Variants in PTPRD observed in about 807,000 individuals in gnomAD.
PTPRD encodes receptor-type tyrosine-protein phosphatase delta.
A neutral mutation model predicts 214.5 loss-of-function variants in PTPRD; 34 were observed. The ratio of observed to expected loss-of-function variants is 0.16; its 90% CI spans 0.12 to 0.21. PTPRD has a LOEUF of 0.21. Ranked by LOEUF, PTPRD falls within the 10% of genes least tolerant of loss-of-function variation. PTPRD has a pLI of 1.00. For synonymous variants in PTPRD, 1,128 were observed against 845.7 expected (o/e 1.33, Z -5.79); for missense variants, 2,545 against 2,398.7 (o/e 1.06, Z -1.27).
At chr9:9,099,261 G>A (rs758687485) in intron 10 of PTPRD, among the ~76,000 whole-genome samples, 2 of 152,144 alleles carry the variant, frequency 1.3e-5, no homozygotes, top group Non-Finnish European at 2.9e-5. Context: ...TAGTTCTTCA[G>A]TTGGGTGCTG....
At chr9:9,287,581 A>C (rs1483457774) in intron 9 of PTPRD, among the ~76,000 whole-genome samples, 1 of 151,886 alleles carries the variant, frequency 6.6e-6, no homozygotes, top group African/African-American at 2.4e-5. Context: ...TTCTCATTAA[A>C]TCTGTGAGTC....
intron 11 of PTPRD, among the ~76,000 whole-genome samples, chr9:8,818,329 C>T (rs1185042857): frequency 5.3e-5 from 8 of 151,948 alleles, no homozygotes; most frequent in African/African-American, 1.5e-4. Context: ...ACAGTTTTAG[C>T]GGATAGGCAG....
intron 3 of PTPRD, among the ~76,000 whole-genome samples, chr9:10,246,273 C>A (rs1288847606): frequency 6.6e-6 from 1 of 152,068 alleles, no homozygotes; most frequent in African/African-American, 2.4e-5. Context: ...GATGGAGTTT[C>A]GCTCTTGTTG....
intron 4 of PTPRD, among the ~76,000 whole-genome samples, chr9:9,944,578 G>A (rs1165983556): frequency 6.6e-6 from 1 of 151,826 alleles, no homozygotes; most frequent in Admixed American, 6.6e-5. Flanking sequence ...AGACCTGAAG[G>A]AAAAAAGGGA....
chr9:8,369,832 T>C (rs986696170), intron 39 of PTPRD, among the ~76,000 whole-genome samples: 2 of 152,094 alleles, frequency 1.3e-5, no homozygotes, highest in Admixed American at 6.6e-5. Context: ...TCTAGTATCA[T>C]GGGTCAAGGT....
At chr9:8,497,209 C>T (rs1468614434) in intron 26 of PTPRD, 33 bp downstream of exon 26, 7 of 1,558,198 alleles carry the variant, frequency 4.5e-6, no homozygotes, top group Non-Finnish European at 6.1e-6. Context: ...CATATATAGT[C>T]TGCTTTTGAC....
intron 2 of PTPRD, among the ~76,000 whole-genome samples, chr9:10,394,792 C>CT (rs398113230): frequency 9.5e-3 from 30 of 3,174 alleles, no homozygotes; most frequent in East Asian, 0.014. Flanking sequence ...ATAGAATAAA[C>CT]GTCAATATAA....
intron 11 of PTPRD, among the ~76,000 whole-genome samples, chr9:9,008,017 T>C (rs2590495): frequency 0.87 from 59,969 of 69,168 alleles, 28,425 homozygotes; most frequent in East Asian, 0.99. Context: ...TGGTGCGCTG[T>C]ACCCATTAAC....
At chr9:9,892,537 G>A (rs1055135724) in intron 5 of PTPRD, among the ~76,000 whole-genome samples, 3 of 152,088 alleles carry the variant, frequency 2.0e-5, no homozygotes, top group African/African-American at 7.2e-5. Flanking sequence ...CACTTGTAAT[G>A]ATGTTGGCTT....
intron 9 of PTPRD, among the ~76,000 whole-genome samples, chr9:9,215,375 C>T (rs2099951500): frequency 6.6e-6 from 1 of 152,020 alleles, no homozygotes; most frequent in Non-Finnish European, 1.5e-5. Flanking sequence ...AAATTTCTTC[C>T]CTGAGTTCTG....
At chr9:10,072,882 G>A (rs1940545640) in intron 3 of PTPRD, among the ~76,000 whole-genome samples, 2 of 152,042 alleles carry the variant, frequency 1.3e-5, no homozygotes, top group African/African-American at 4.8e-5. Flanking sequence ...CACATAAAAT[G>A]TTTATAGCAG....
At chr9:10,056,427 T>G (rs546976397) in intron 3 of PTPRD, among the ~76,000 whole-genome samples, 1 of 152,072 alleles carries the variant, frequency 6.6e-6, no homozygotes, top group South Asian at 2.1e-4. Context: ...ATAACCTCTT[T>G]TATTAGCTGC....
chr9:9,134,588 T>C (rs1265017695), intron 10 of PTPRD, among the ~76,000 whole-genome samples: 2 of 152,156 alleles, frequency 1.3e-5, no homozygotes, highest in Non-Finnish European at 2.9e-5. Flanking sequence ...ATTTTCCAAA[T>C]TATCGAGAGT....
intron 24 of PTPRD, among the ~76,000 whole-genome samples, chr9:8,500,455 A>G (rs1344484361): frequency 6.6e-6 from 1 of 151,100 alleles, no homozygotes; most frequent in African/African-American, 2.4e-5. Context: ...AAAAACACAG[A>G]AGACTTTAGA....
chr9:9,839,783 C>G (rs145368006), intron 5 of PTPRD, among the ~76,000 whole-genome samples: 1 of 152,096 alleles, frequency 6.6e-6, no homozygotes, highest in African/African-American at 2.4e-5. Flanking sequence ...GGAGGCATCA[C>G]GCTACCTGAT....
intron 5 of PTPRD, among the ~76,000 whole-genome samples, chr9:9,817,461 T>G (rs1463949474): frequency 6.6e-6 from 1 of 152,206 alleles, no homozygotes; most frequent in East Asian, 1.9e-4. Flanking sequence ...TTATTTCCAC[T>G]TTGACTAACT....
At chr9:8,594,860 CTTT>C (rs55766168) in intron 14 of PTPRD, among the ~76,000 whole-genome samples, 7 of 130,564 alleles carry the variant, frequency 5.4e-5, no homozygotes, top group Admixed American at 7.7e-5. Flanking sequence ...TGTTTAACCC[CTTT>C]TTTTTTTTTT....
chr9:9,656,172 G>A (rs377597016), intron 7 of PTPRD, among the ~76,000 whole-genome samples: 5 of 152,080 alleles, frequency 3.3e-5, no homozygotes, highest in African/African-American at 1.2e-4. Context: ...ATTTCCAGTG[G>A]GAATCCAAAA....
chr9:9,828,245 G>A (rs1428611279), intron 5 of PTPRD, among the ~76,000 whole-genome samples: 2 of 152,036 alleles, frequency 1.3e-5, no homozygotes, highest in African/African-American at 2.4e-5. Context: ...CAAAGACTTG[G>A]AACCAACCCA....
Sources: gnomAD v4.1 joint callset for allele counts (sites outside exome capture counted in the v4.1 genomes callset) on GRCh38, gnomAD v4.1.1 for gene constraint, MANE v1.5 for transcripts, NCBI Gene and HGNC (gene_info 2026-07-23, HGNC 2026-07-21) for gene names.